The following THSD7A variants were observed in gnomAD, a reference collection of about 807,000 sequenced individuals.
THSD7A encodes the protein thrombospondin type-1 domain-containing protein 7A.
In THSD7A, 96 loss-of-function variants were observed where a neutral mutation model predicts 231.3. That is an observed-to-expected ratio of 0.41 (90% CI 0.35 to 0.49). The LOEUF (loss-of-function observed/expected upper bound fraction) is 0.49. Ranked by LOEUF, THSD7A falls within the 20% of genes least tolerant of loss-of-function variation. The pLI is 0.05. For synonymous variants in THSD7A, 940 were observed against 743.3 expected (o/e 1.26, Z -4.30); for missense variants, 2,290 against 2,070.2 (o/e 1.11, Z -2.06).
intron 1 of THSD7A, among the ~76,000 whole-genome samples, chr7:11,665,857 A>C (rs76813881): frequency 0.02 from 3,118 of 152,248 alleles, 63 homozygotes; most frequent in Non-Finnish European, 0.029. Flanking sequence ...AATGATAAAA[A>C]ATAGACACAA....
chr7:11,828,309 A>G (rs761686640), intron 1 of THSD7A, among the ~76,000 whole-genome samples: 18 of 152,144 alleles, frequency 1.2e-4, no homozygotes, highest in Non-Finnish European at 2.4e-4. Context: ...GACTTTCAAG[A>G]TCTAGGAAAG....
intron 1 of THSD7A, among the ~76,000 whole-genome samples, chr7:11,713,161 C>T (rs1009085895): frequency 6.3e-4 from 96 of 151,230 alleles, no homozygotes; most frequent in African/African-American, 2.3e-3. Context: ...TAGCACATTG[C>T]TGCCAAACCA....
At chr7:11,655,343 G>A (rs1434205562) in intron 1 of THSD7A, among the ~76,000 whole-genome samples, 1 of 151,830 alleles carries the variant, frequency 6.6e-6, no homozygotes, top group East Asian at 1.9e-4. Flanking sequence ...AACACTTCTG[G>A]TGACAGAGCT....
intron 2 of THSD7A, among the ~76,000 whole-genome samples, chr7:11,604,619 G>A (rs932654958): frequency 5.3e-5 from 8 of 151,924 alleles, no homozygotes; most frequent in African/African-American, 1.7e-4. Flanking sequence ...TTTTCTCCAA[G>A]TCATACAGCT....
At chr7:11,400,312 A>T (rs115282382) in intron 23 of THSD7A, among the ~76,000 whole-genome samples, 6,774 of 152,220 alleles carry the variant, frequency 0.045, 523 homozygotes, top group African/African-American at 0.15. Flanking sequence ...AAGTATAATT[A>T]AAAAAATTAA....
intron 6 of THSD7A, among the ~76,000 whole-genome samples, chr7:11,510,551 C>T (rs1209737348): frequency 6.6e-6 from 1 of 152,120 alleles, no homozygotes; most frequent in African/African-American, 2.4e-5. Flanking sequence ...CCGAATCCAG[C>T]AGCACATCAA....
intron 2 of THSD7A, among the ~76,000 whole-genome samples, chr7:11,609,191 C>T (rs1780837668): frequency 6.6e-6 from 1 of 152,088 alleles, no homozygotes; most frequent in African/African-American, 2.4e-5. Context: ...GGAGCCCTTC[C>T]TTCTGAATTT....
chr7:11,693,569 C>T lies in THSD7A; in HGVS notation c.191-56608G>A, dbSNP rs79254846. Among the ~76,000 whole-genome samples the T allele has an allele frequency of 1.4e-3, 218 of 151,490 alleles. 1 individual carries two copies. Among genetic ancestry groups the T allele is most frequent in the African/African-American group, 5.1e-3 (211 of 41,462 alleles). ...TCAGAATAGTAAAGTTAGGGTTAACCGTAAGTAGACACCATCATGTTTTGT... is the reference window on the plus strand; with the variant it reads ...TCAGAATAGTAAAGTTAGGGTTAACTGTAAGTAGACACCATCATGTTTTGT... On this transcript the variant is annotated intron_variant, in intron 1 of 27. Transcript: ENST00000423059.
At chr7:11,381,264 A>G (rs906345768) in intron 24 of THSD7A, among the ~76,000 whole-genome samples, 9 of 152,162 alleles carry the variant, frequency 5.9e-5, no homozygotes, top group African/African-American at 2.2e-4. Context: ...AAGGGTTTCT[A>G]CTAGATGTCT....
chr7:11,571,336 C>A (rs1013945141), intron 4 of THSD7A, among the ~76,000 whole-genome samples: 1 of 152,026 alleles, frequency 6.6e-6, no homozygotes, highest in South Asian at 2.1e-4. Context: ...TTACTCATTC[C>A]CCAAGTTCTA....
intron 4 of THSD7A, among the ~76,000 whole-genome samples, chr7:11,582,883 A>T (rs922315766): frequency 6.6e-6 from 1 of 151,692 alleles, no homozygotes; most frequent in African/African-American, 2.4e-5. Context: ...GTATTTTATT[A>T]TCCTGCTTGA....
At chr7:11,520,378 T>C (rs969842289) in intron 6 of THSD7A, among the ~76,000 whole-genome samples, 1 of 152,190 alleles carries the variant, frequency 6.6e-6, no homozygotes, top group African/African-American at 2.4e-5. Flanking sequence ...GCCTGACACA[T>C]AATATTGGCT....
chr7:11,654,719 C>T (rs895746098), intron 1 of THSD7A, among the ~76,000 whole-genome samples: 1 of 151,860 alleles, frequency 6.6e-6, no homozygotes, highest in Non-Finnish European at 1.5e-5. Context: ...TTTCAAGACA[C>T]ATCATTAGTC....
At chr7:11,676,690 G>T (rs747173981) in intron 1 of THSD7A, among the ~76,000 whole-genome samples, 6 of 152,100 alleles carry the variant, frequency 3.9e-5, no homozygotes, top group African/African-American at 1.4e-4. Flanking sequence ...TGGACTTAAT[G>T]AAATAAAGCA....
chr7:11,672,818 A>G (rs1783452796), intron 1 of THSD7A, among the ~76,000 whole-genome samples: 1 of 152,260 alleles, frequency 6.6e-6, no homozygotes, highest in East Asian at 1.9e-4. Context: ...TTCAAAATCT[A>G]TTTCCATGCT....
At chr7:11,452,314 C>T (rs1446986111) in intron 11 of THSD7A, among the ~76,000 whole-genome samples, 2 of 151,928 alleles carry the variant, frequency 1.3e-5, no homozygotes. Context: ...AAGATCAAAC[C>T]TATAAATAAT....
intron 1 of THSD7A, among the ~76,000 whole-genome samples, chr7:11,737,061 C>T (rs548567139): frequency 6.6e-6 from 1 of 152,004 alleles, no homozygotes; most frequent in East Asian, 1.9e-4. Context: ...TTTCCTGAGG[C>T]CTCCCCAACC....
intron 2 of THSD7A, among the ~76,000 whole-genome samples, chr7:11,630,313 C>T (rs1781608166): frequency 6.6e-6 from 1 of 152,092 alleles, no homozygotes; most frequent in Non-Finnish European, 1.5e-5. Flanking sequence ...AAGTCTGGGC[C>T]TGGAAAACAA....
At chr7:11,730,882 T>C (rs1217654203) in intron 1 of THSD7A, among the ~76,000 whole-genome samples, 1 of 151,650 alleles carries the variant, frequency 6.6e-6, no homozygotes, top group African/African-American at 2.4e-5. Flanking sequence ...GTGATGGCAG[T>C]TGACCTTTTT....
Sources: allele counts gnomAD v4.1 joint callset (sites outside exome capture counted in the v4.1 genomes callset), GRCh38; gene constraint gnomAD v4.1.1; transcripts MANE v1.5; gene names NCBI Gene and HGNC (gene_info 2026-07-23, HGNC 2026-07-21).